The following AGAP1 variants were observed in gnomAD, a reference collection of about 807,000 sequenced individuals.
The protein encoded by AGAP1 is ArfGAP with GTPase domain, ankyrin repeat and PH domain 1, also known as arf-GAP with GTPase, ANK repeat and PH domain-containing protein 1.
A neutral mutation model predicts 105.3 loss-of-function variants in AGAP1; 29 were observed. That is an observed-to-expected ratio of 0.28 (90% CI 0.21 to 0.38). The LOEUF is 0.38. Among genes scored for constraint, AGAP1 ranks in the 10% least tolerant of loss-of-function variants. The probability of loss-of-function intolerance (pLI) is 1.00; values close to 1 mark genes in which losing one functional copy is unlikely to be tolerated. For missense variants in AGAP1, 998 were observed against 1,165.1 expected, an observed-to-expected ratio of 0.86 and a Z score of 2.09; for synonymous variants, 509 against 485.9, an observed-to-expected ratio of 1.05 and a Z score of -0.63.
At chr2:235,929,098 G>C (rs1434649781) in intron 11 of AGAP1, among the ~76,000 whole-genome samples, 1 of 152,226 alleles carries the variant, frequency 6.6e-6, no homozygotes, top group Non-Finnish European at 1.5e-5. Context: ...GTAAGCAGGG[G>C]AGCCCAGACC....
chr2:235,796,317 CA>C lies in AGAP1; in HGVS notation c.674-1441del, dbSNP rs1957241101. ...ATCTTAGATTTTATTTTTGAGTTCA[CA>C]TAATGACTTTAAAATATTCTAATAA... On this transcript the variant is annotated intron_variant, in intron 6 of 17. Coordinates refer to ENST00000304032, the MANE Select transcript of AGAP1 (RefSeq NM_001037131.3). Among the ~76,000 whole-genome samples the C allele has an allele frequency of 5.9e-5, 9 of 152,320 alleles. No individual in the cohort carries two copies. In the South Asian group the frequency reaches 1.9e-3, roughly 32 times the overall value.
At chr2:235,554,872 G>A (rs13428085) in intron 1 of AGAP1, among the ~76,000 whole-genome samples, 2,838 of 152,260 alleles carry the variant, frequency 0.019, 78 homozygotes, top group African/African-American at 0.063. Context: ...GTTTCACCAT[G>A]TTGGCCAGGT....
chr2:235,501,661 T>TC (rs1332749131), intron 1 of AGAP1, among the ~76,000 whole-genome samples: 3 of 152,156 alleles, frequency 2.0e-5, no homozygotes, highest in Non-Finnish European at 2.9e-5. Context: ...CATCCGTTTT[T>TC]CCCCCTGTAT....
rs1477728138 is a variant in AGAP1 at position 236,038,524 on chromosome 2, G to A, written c.1800+1809G>A. On this transcript the variant is annotated intron_variant, in intron 14 of 17. Coordinates refer to ENST00000304032, the MANE Select transcript of AGAP1 (RefSeq NM_001037131.3). This position sits in a 1 kb window ranked among gnomAD's most constrained non-coding sequence, Gnocchi z 4.5. Reference sequence around the variant, plus strand: ...CCCTCACTAGGCGCCTGTTCTCCAGGGAATTGCTCCCTTGGGAGGAGGACG... The same window carrying A: ...CCCTCACTAGGCGCCTGTTCTCCAGAGAATTGCTCCCTTGGGAGGAGGACG... Among the ~76,000 whole-genome samples, 1 of 152,172 alleles carries A rather than the reference G, an allele frequency of 6.6e-6. No individual in the cohort carries two copies. The highest frequency in any genetic ancestry group is 2.4e-5 in the African/African-American group (1 of 41,428).
chr2:236,094,910 GA>G (rs1460284649), intron 16 of AGAP1, among the ~76,000 whole-genome samples: 4 of 103,266 alleles, frequency 3.9e-5, no homozygotes, highest in Non-Finnish European at 7.0e-5. Context: ...CACAGCAAGA[GA>G]CCCCATCTCT....
intron 16 of AGAP1, among the ~76,000 whole-genome samples, chr2:236,052,441 C>T (rs764910355): frequency 1.1e-4 from 17 of 152,254 alleles, no homozygotes; most frequent in South Asian, 4.1e-4. Flanking sequence ...GGACAGCAGG[C>T]GCCCTGGACA....
intron 1 of AGAP1, among the ~76,000 whole-genome samples, chr2:235,497,271 C>T (rs368969683): frequency 6.6e-6 from 1 of 152,158 alleles, no homozygotes. Context: ...GTTTCTGTCT[C>T]CACACTGCAT....
Position 235,900,629 on chromosome 2 carries a change from C to T in AGAP1, c.1156-8109C>T, listed in dbSNP as rs1186299806. Among the ~76,000 whole-genome samples, 1 of 152,088 alleles carries T rather than the reference C, an allele frequency of 6.6e-6. No individual in the cohort carries two copies. Among genetic ancestry groups the T allele is most frequent in the Non-Finnish European group, 1.5e-5 (1 of 68,014 alleles). On this transcript the variant is annotated intron_variant, in intron 10 of 17. Coordinates refer to ENST00000304032, the MANE Select transcript of AGAP1 (RefSeq NM_001037131.3). This position sits in a 1 kb window ranked among gnomAD's most constrained non-coding sequence, Gnocchi z 5.5. ...AGCCTTCTGGAGAACTTTGCCTCAG[C>T]CCTGCAAAGTATTGTCACCTAGTTG...
At chr2:235,618,070 C>A (rs548242965) in intron 1 of AGAP1, among the ~76,000 whole-genome samples, 1 of 151,932 alleles carries the variant, frequency 6.6e-6, no homozygotes, top group Admixed American at 6.6e-5. Flanking sequence ...GGAAGATCTG[C>A]GTCTGTATGT....
intron 6 of AGAP1, among the ~76,000 whole-genome samples, chr2:235,779,132 A>G (rs969668457): frequency 1.3e-5 from 2 of 152,224 alleles, no homozygotes; most frequent in East Asian, 3.9e-4. Context: ...ACCTATGAAC[A>G]TTTACCAAGA....
At position 235,744,650 on chromosome 2, in the gene AGAP1, A is replaced by C; in HGVS notation, c.397-48A>C. The stretch of plus-strand genomic sequence containing the variant: ...CATGCAGACATCTCTGTTCTTAATC[A>C]AGCCTGCTCACTCAGCTCCTGCTCT... On this transcript the variant is annotated intron_variant, in intron 4 of 17. Transcript: ENST00000304032. The surrounding 1 kb of genome is among the most constrained non-coding windows in gnomAD (Gnocchi z 5.2). The C allele has an allele frequency of 6.2e-7, 1 of 1,610,288 alleles. No individual in the cohort carries two copies. Among genetic ancestry groups the C allele is most frequent in the Non-Finnish European group, 8.5e-7 (1 of 1,177,590 alleles).
intron 6 of AGAP1, among the ~76,000 whole-genome samples, chr2:235,768,612 A>C (rs565298365): frequency 1.3e-5 from 2 of 152,228 alleles, no homozygotes; most frequent in Non-Finnish European, 2.9e-5. Context: ...TGGGGAGCCA[A>C]TGGGTAGAGC....
chr2:235,782,674 G>C (rs551650829), intron 6 of AGAP1, among the ~76,000 whole-genome samples: 1 of 152,310 alleles, frequency 6.6e-6, no homozygotes, highest in East Asian at 1.9e-4. Flanking sequence ...AAAAGGTGCT[G>C]TGTAGCAGTA....
In AGAP1 at chr2:235,662,057, G is replaced by T. The variant is rs1455107092; in HGVS notation, c.164-47122G>T. On this transcript the variant is annotated intron_variant, in intron 1 of 17. Coordinates refer to ENST00000304032, the MANE Select transcript of AGAP1 (RefSeq NM_001037131.3). The surrounding 1 kb of genome is among the most constrained non-coding windows in gnomAD (Gnocchi z 4.2). ...AGTTGGGGTATGGCCATAGGAGGGGGCTCCAGGAATTCAGGGAAGGAAAAG... is the reference window on the plus strand; with the variant it reads ...AGTTGGGGTATGGCCATAGGAGGGGTCTCCAGGAATTCAGGGAAGGAAAAG... Among the ~76,000 whole-genome samples, 1 of 152,148 alleles carries T rather than the reference G, an allele frequency of 6.6e-6. No individual in the cohort carries two copies. The highest frequency in any genetic ancestry group is 1.5e-5 in the Non-Finnish European group (1 of 68,028).
intron 4 of AGAP1, among the ~76,000 whole-genome samples, chr2:235,743,773 G>T (rs576415109): frequency 2.0e-5 from 3 of 152,164 alleles, no homozygotes; most frequent in Non-Finnish European, 4.4e-5. Flanking sequence ...GAAAGCAGAC[G>T]GGATGGATTT....
At chr2:235,580,208 G>C (rs777112078) in intron 1 of AGAP1, among the ~76,000 whole-genome samples, 1 of 152,146 alleles carries the variant, frequency 6.6e-6, no homozygotes, top group Non-Finnish European at 1.5e-5. Context: ...CTATGAACGT[G>C]CGTGTACAGG....
chr2:235,844,625 G>C (rs889911082), intron 9 of AGAP1, among the ~76,000 whole-genome samples: 3 of 152,012 alleles, frequency 2.0e-5, no homozygotes, highest in South Asian at 2.1e-4. Context: ...GGCATTTAAG[G>C]CTCCCCCTGA....
intron 16 of AGAP1, among the ~76,000 whole-genome samples, chr2:236,070,757 T>G (rs921508888): frequency 2.0e-5 from 3 of 151,782 alleles, no homozygotes; most frequent in African/African-American, 7.3e-5. Context: ...TGGATTGGGG[T>G]GGCCCTGGGC....
chr2:235,787,749 C>T lies in AGAP1; in HGVS notation c.674-10010C>T, dbSNP rs187424369. 3.8e-3 allele frequency among the ~76,000 whole-genome samples: 586 copies of T among 152,298 alleles called. 4 individuals are homozygous for T. Among genetic ancestry groups the T allele is most frequent in the Non-Finnish European group, 3.8e-3 (259 of 68,028 alleles). Reference sequence around the variant, plus strand: ...CCAACTCCACATATTAAAGAATGGGCAGCAACTTGCTTGGTTTCTGTGAGG... The same window carrying T: ...CCAACTCCACATATTAAAGAATGGGTAGCAACTTGCTTGGTTTCTGTGAGG... On this transcript the variant is annotated intron_variant, in intron 6 of 17. Coordinates refer to ENST00000304032, the MANE Select transcript of AGAP1 (RefSeq NM_001037131.3). The surrounding 1 kb of genome is among the most constrained non-coding windows in gnomAD (Gnocchi z 4.4).
Sources: allele counts gnomAD v4.1 joint callset (sites outside exome capture counted in the v4.1 genomes callset), GRCh38; gene constraint gnomAD v4.1.1; non-coding constraint Gnocchi (gnomAD v3.1); transcripts MANE v1.5; gene names NCBI Gene and HGNC (gene_info 2026-07-23, HGNC 2026-07-21).